The following PLEKHG7 variants were observed in gnomAD, a reference collection of about 807,000 sequenced individuals.
PLEKHG7 encodes pleckstrin homology domain-containing family G member 7.
In PLEKHG7, 77 loss-of-function variants were observed where a neutral mutation model predicts 85.2. The observed-to-expected ratio is 0.90, with a 90% confidence interval of 0.75 to 1.09. The LOEUF (loss-of-function observed/expected upper bound fraction) is 1.09, where lower values mean the gene tolerates loss of function less well. Among genes scored for constraint, PLEKHG7 ranks in the 50% least tolerant of loss-of-function variants. The pLI is 0.00. For synonymous variants in PLEKHG7, 301 were observed against 302.4 expected (o/e 1.00, Z 0.05); for missense variants, 777 against 804.3 (o/e 0.97, Z 0.41).
intron 10 of PLEKHG7, among the ~76,000 whole-genome samples, chr12:92,751,357 C>T (rs1872685725): frequency 1.3e-5 from 2 of 152,102 alleles, no homozygotes; most frequent in African/African-American, 4.8e-5. Flanking sequence ...GCCACCTGTA[C>T]ACAGGGGAGA....
chr12:92,721,559 T>C, intron 3 of PLEKHG7: 1 of 430,850 alleles, frequency 2.3e-6, no homozygotes. Context: ...GGTTTCTACA[T>C]GGTGGGTGGG....
intron 3 of PLEKHG7, among the ~76,000 whole-genome samples, chr12:92,715,029 T>TAGAA (rs1034286300): frequency 3.4e-5 from 5 of 144,968 alleles, no homozygotes; most frequent in African/African-American, 1.3e-4. Flanking sequence ...GATAGATAGA[T>TAGAA]AGATAGATAG....
intron 13 of PLEKHG7, among the ~76,000 whole-genome samples, chr12:92,757,288 C>A (rs2136624815): frequency 6.6e-6 from 1 of 152,298 alleles, no homozygotes. Flanking sequence ...CAATAAATAT[C>A]ATGATGATCA....
At chr12:92,747,662 T>G (rs1031043365) in intron 10 of PLEKHG7, among the ~76,000 whole-genome samples, 4 of 152,242 alleles carry the variant, frequency 2.6e-5, no homozygotes, top group African/African-American at 9.6e-5. Context: ...CAATCTAGTG[T>G]TCATCAACAG....
intron 3 of PLEKHG7, among the ~76,000 whole-genome samples, chr12:92,725,101 A>T (rs1312102571): frequency 6.6e-6 from 1 of 152,184 alleles, no homozygotes; most frequent in Non-Finnish European, 1.5e-5. Flanking sequence ...CTTTGTGATT[A>T]TCTCCTTAAC....
At chr12:92,728,653 A>T (rs1302053838) in intron 3 of PLEKHG7, among the ~76,000 whole-genome samples, 3 of 151,902 alleles carry the variant, frequency 2.0e-5, no homozygotes, top group African/African-American at 7.3e-5. Context: ...AACCATTGAT[A>T]GACACTTAGG....
At chr12:92,753,966 G>A (rs1872756398) in intron 10 of PLEKHG7, 124 bp from the exon 11 acceptor site, 8 of 915,534 alleles carry the variant, frequency 8.7e-6, no homozygotes, top group Non-Finnish European at 1.3e-5. Flanking sequence ...AATTGTCCCA[G>A]CAAACTCACA....
At chr12:92,723,470 TAA>T (rs893246300) in intron 3 of PLEKHG7, among the ~76,000 whole-genome samples, 3 of 152,186 alleles carry the variant, frequency 2.0e-5, no homozygotes, top group Non-Finnish European at 4.4e-5. Flanking sequence ...TTTTTGTACT[TAA>T]AGAGTGTCAG....
At chr12:92,763,945 T>A in intron 14 of PLEKHG7, 96 bp from the exon 15 acceptor site, 1 of 1,058,390 alleles carries the variant, frequency 9.4e-7, no homozygotes, top group Non-Finnish European at 1.3e-6. Context: ...TTTTAGGCAA[T>A]TGTTTCTCAG....
At chr12:92,761,227 A>G (rs1026853769) in intron 13 of PLEKHG7, among the ~76,000 whole-genome samples, 8 of 152,180 alleles carry the variant, frequency 5.3e-5, no homozygotes, top group African/African-American at 1.9e-4. Flanking sequence ...TTCTCTGGTT[A>G]TGTGTGCCTT....
chr12:92,720,459 G>A (rs1443051364), intron 3 of PLEKHG7, among the ~76,000 whole-genome samples: 1 of 151,986 alleles, frequency 6.6e-6, no homozygotes, highest in East Asian at 1.9e-4. Context: ...CTGAGTAGCT[G>A]GGACTACAGG....
In PLEKHG7 at chr12:92,737,507, T is replaced by G; in HGVS notation, c.925T>G (p.Leu309Val). 1 of 1,606,152 alleles carries G rather than the reference T, an allele frequency of 6.2e-7. No individual in the cohort carries two copies. Among genetic ancestry groups the G allele is most frequent in the Non-Finnish European group, 8.5e-7 (1 of 1,178,226 alleles). ...ATGCACCTATTTTTTGGACCATTTA[T>G]TAGTTCTTAAGATGGTAATGCCAGG... The part of the protein sequence containing the change: ...SECTYFLDHL[L>V]VLKMIFMNTL... Residue 309 changes from leucine (L) to valine (V), a missense_variant, in exon 7 of 17, where the codon TTA becomes GTA. Coordinates refer to ENST00000344636, the MANE Select transcript of PLEKHG7 (RefSeq NM_001377329.1).
Position 92,706,730 on chromosome 12 carries a change from T to C in PLEKHG7, c.99T>C (p.Ser33=), listed in dbSNP as rs888691004. The C allele has an allele frequency of 5.0e-6, 8 of 1,613,654 alleles. No individual in the cohort carries two copies. Among genetic ancestry groups the C allele is most frequent in the East Asian group, 2.2e-5 (1 of 44,850 alleles). The part of the protein sequence containing the change: ...SLRSLPKNQG[S]LLQFDRQAPG... ...GGAGCCTGCCAAAGAACCAGGGGAG[T>C]CTCCTCCAGTTTGACCGGCAAGCCC... The change falls in exon 2 of 17, where the codon AGT becomes AGC. Residue 33 remains serine (S), a synonymous_variant. Coordinates refer to ENST00000344636, the MANE Select transcript of PLEKHG7 (RefSeq NM_001377329.1).
At chr12:92,716,381 A>G (rs572836797) in intron 3 of PLEKHG7, among the ~76,000 whole-genome samples, 2 of 152,312 alleles carry the variant, frequency 1.3e-5, no homozygotes, top group African/African-American at 4.8e-5. Flanking sequence ...TACAGGTATT[A>G]CAGTGTTTTA....
rs1386025729 is a variant in PLEKHG7 at position 92,737,748 on chromosome 12, G to GAA, written c.939+227_939+228insAA. On this transcript the variant is annotated intron_variant, in intron 7 of 16. Coordinates refer to ENST00000344636, the MANE Select transcript of PLEKHG7 (RefSeq NM_001377329.1). ...AGGAAGGAGGGAGGAAGGGAGGGAG[G>GAA]GAGGAAGGAAGGAAGGAAGGAAGGG... Among the ~76,000 whole-genome samples, 262 of 136,904 alleles carry GAA rather than the reference G, an allele frequency of 1.9e-3. 1 individual carries two copies. Among genetic ancestry groups the GAA allele is most frequent in the East Asian group, 0.015 (77 of 5,024 alleles). 89.8% of individuals were successfully genotyped at this position (136,904 alleles called of 152,430 possible).
chr12:92,708,359 C>G (rs1365721126), intron 3 of PLEKHG7: 1 of 152,336 alleles, frequency 6.6e-6, no homozygotes, highest in Non-Finnish European at 1.5e-5. Flanking sequence ...GACCTCAATC[C>G]TCAAGCAATA....
intron 3 of PLEKHG7, among the ~76,000 whole-genome samples, chr12:92,724,339 A>T (rs140368864): frequency 1.3e-5 from 2 of 152,200 alleles, no homozygotes; most frequent in African/African-American, 4.8e-5. Context: ...TATAACTATC[A>T]TTGACATGGA....
rs1004355788 is a variant in PLEKHG7, at chr12:92,754,104, T to G, written c.1266T>G (p.Asn422Lys). The G allele has an allele frequency of 3.1e-6, 5 of 1,613,570 alleles. No individual in the cohort carries two copies. Among genetic ancestry groups the G allele is most frequent in the Non-Finnish European group, 3.4e-6 (4 of 1,179,708 alleles). The change falls in exon 11 of 17, where the codon AAT (asparagine) becomes AAG (lysine). Residue 422 changes from asparagine to lysine, a missense_variant. Physicochemically the swap from Asn to Lys is moderately conservative, Grantham distance 94. Transcript: ENST00000344636. ...GCCTTCCCCAGTGGTGTGAGCAGAA[T>G]GAACAATGCAGACGGCTCCACGTGC... The part of the protein sequence containing the change: ...FGIYLKWCEQ[N>K]EQCRRLHVPE...
intron 10 of PLEKHG7, among the ~76,000 whole-genome samples, chr12:92,747,162 A>G (rs1478264263): frequency 1.3e-5 from 2 of 152,166 alleles, no homozygotes; most frequent in African/African-American, 4.8e-5. Flanking sequence ...TATACAAGGA[A>G]CTTGAAGATC....
Sources: allele counts gnomAD v4.1 joint callset (sites outside exome capture counted in the v4.1 genomes callset), GRCh38; gene constraint gnomAD v4.1.1; transcripts MANE v1.5; gene names NCBI Gene and HGNC (gene_info 2026-07-23, HGNC 2026-07-21).